The following KLHL1 variants were observed in gnomAD, a reference collection of about 807,000 sequenced individuals.
KLHL1 encodes kelch-like protein 1.
A neutral mutation model predicts 77.7 loss-of-function variants in KLHL1; 47 were observed. The ratio of observed to expected loss-of-function variants is 0.60; its 90% CI spans 0.48 to 0.77. The LOEUF (loss-of-function observed/expected upper bound fraction) is 0.77. Among genes scored for constraint, KLHL1 ranks in the 30% least tolerant of loss-of-function variants. The pLI is 0.00. For missense variants in KLHL1, 925 were observed against 910.8 expected (o/e 1.02, Z -0.20); for synonymous variants, 360 against 325.2 (o/e 1.11, Z -1.15).
intron 4 of KLHL1, among the ~76,000 whole-genome samples, chr13:69,897,314 T>C (rs1468106148): frequency 6.6e-6 from 1 of 152,156 alleles, no homozygotes; most frequent in Non-Finnish European, 1.5e-5. Context: ...TCATGGTCCC[T>C]TGGCAATGTG....
intron 3 of KLHL1, among the ~76,000 whole-genome samples, chr13:69,953,293 C>T (rs1261134572): frequency 6.6e-6 from 1 of 151,088 alleles, no homozygotes; most frequent in Non-Finnish European, 1.5e-5. Flanking sequence ...TGATGTACAA[C>T]AATATTAATT....
intron 1 of KLHL1, among the ~76,000 whole-genome samples, chr13:70,005,497 A>G (rs1192224517): frequency 6.6e-6 from 1 of 151,972 alleles, no homozygotes; most frequent in African/African-American, 2.4e-5. Flanking sequence ...CTCATCAGCT[A>G]TAATTAGTGT....
intron 1 of KLHL1, among the ~76,000 whole-genome samples, chr13:70,094,585 G>A (rs1475503700): frequency 5.3e-5 from 8 of 151,970 alleles, no homozygotes; most frequent in Admixed American, 5.2e-4. Context: ...GAAGAGCACA[G>A]AATTAATCTG....
chr13:69,838,553 C>A lies in KLHL1; in HGVS notation c.1414+423G>T, dbSNP rs181877343. ...TATAACTTTCACCATTCTTATACTT[C>A]TTTATAATTGTCTATTTATTTATCT... On this transcript the variant is annotated intron_variant, in intron 6 of 10. Transcript: ENST00000377844. 7.0e-4 allele frequency among the ~76,000 whole-genome samples: 106 copies of A among 151,928 alleles called. 1 individual carries two copies. The highest frequency in any genetic ancestry group is 2.5e-3 in the African/African-American group (102 of 41,558).
rs575989760 is a variant in KLHL1 at position 69,915,975 on chromosome 13, AG to A, written c.1014+24064del. Among the ~76,000 whole-genome samples the A allele has an allele frequency of 5.4e-4, 83 of 152,334 alleles. 1 individual carries two copies. The South Asian group carries it at 0.017, about 31-fold the overall frequency. On this transcript the variant is annotated intron_variant, in intron 4 of 10. Coordinates refer to ENST00000377844, the MANE Select transcript of KLHL1 (RefSeq NM_020866.3). ...TCTCGAAGACATTTATGCAGCCAAC[AG>A]ACACATGAAAAAATGCTCATCATCA...
intron 6 of KLHL1, among the ~76,000 whole-genome samples, chr13:69,818,308 C>T (rs991524720): frequency 6.7e-6 from 1 of 148,394 alleles, no homozygotes; most frequent in African/African-American, 2.5e-5. Context: ...GCAACCTCTG[C>T]TTCCCAGGTT....
chr13:70,047,385 A>G, intron 1 of KLHL1, among the ~76,000 whole-genome samples: 1 of 148,844 alleles, frequency 6.7e-6, no homozygotes. Context: ...AATTAGTGCA[A>G]AATGGAAATC....
chr13:69,971,956 C>T (rs796663330), intron 2 of KLHL1, among the ~76,000 whole-genome samples: 3 of 152,024 alleles, frequency 2.0e-5, no homozygotes, highest in East Asian at 3.9e-4. Context: ...AAATGATATC[C>T]AAGTGATCAA....
intron 6 of KLHL1, among the ~76,000 whole-genome samples, chr13:69,827,885 T>C (rs557238504): frequency 6.6e-6 from 1 of 150,844 alleles, no homozygotes; most frequent in Non-Finnish European, 1.5e-5. Flanking sequence ...TAAAAAAGTT[T>C]CTTAATCTCT....
chr13:69,935,197 A>C (rs375473154), intron 4 of KLHL1, among the ~76,000 whole-genome samples: 7 of 141,998 alleles, frequency 4.9e-5, no homozygotes, highest in African/African-American at 1.4e-4. Flanking sequence ...TGAACGTGGT[A>C]CATAGTTGGT....
At chr13:70,104,248 ATTGTT>A (rs1195533444) in intron 1 of KLHL1, among the ~76,000 whole-genome samples, 1 of 152,190 alleles carries the variant, frequency 6.6e-6, no homozygotes, top group African/African-American at 2.4e-5. Context: ...TAGGAAAAGT[ATTGTT>A]TATGTGGTCA....
chr13:69,710,153 T>A (rs1875811684), intron 9 of KLHL1, among the ~76,000 whole-genome samples: 2 of 151,782 alleles, frequency 1.3e-5, no homozygotes, highest in African/African-American at 4.8e-5. Flanking sequence ...TAAGCAATAA[T>A]AAACTAATTT....
intron 7 of KLHL1, among the ~76,000 whole-genome samples, chr13:69,791,066 TA>T (rs1237106579): frequency 6.6e-6 from 1 of 151,216 alleles, no homozygotes; most frequent in Non-Finnish European, 1.5e-5. Flanking sequence ...CACACACACA[TA>T]AAAAAGAAAA....
intron 1 of KLHL1, among the ~76,000 whole-genome samples, chr13:70,028,498 A>C (rs770111660): frequency 6.6e-6 from 1 of 152,118 alleles, no homozygotes; most frequent in Non-Finnish European, 1.5e-5. Flanking sequence ...GCAATTCAAA[A>C]TGTGACACAT....
intron 5 of KLHL1, among the ~76,000 whole-genome samples, chr13:69,844,354 A>C (rs1266816582): frequency 3.3e-5 from 5 of 151,704 alleles, no homozygotes; most frequent in African/African-American, 9.7e-5. Flanking sequence ...TTTATGAATA[A>C]AATATTGTGT....
intron 5 of KLHL1, among the ~76,000 whole-genome samples, chr13:69,868,066 T>G (rs1880440905): frequency 6.6e-6 from 1 of 152,142 alleles, no homozygotes; most frequent in Non-Finnish European, 1.5e-5. Flanking sequence ...GAAAAAATAT[T>G]AAATATTCTG....
intron 5 of KLHL1, among the ~76,000 whole-genome samples, chr13:69,872,974 G>C (rs190614036): frequency 6.6e-6 from 1 of 152,224 alleles, no homozygotes; most frequent in East Asian, 1.9e-4. Flanking sequence ...ACAGTAGGAG[G>C]CATACACATC....
intron 4 of KLHL1, among the ~76,000 whole-genome samples, chr13:69,892,115 G>A (rs969303835): frequency 2.0e-5 from 3 of 152,022 alleles, no homozygotes; most frequent in African/African-American, 7.2e-5. Context: ...CTGCCTCCTT[G>A]ATAAATTGCT....
intron 4 of KLHL1, among the ~76,000 whole-genome samples, chr13:69,936,800 A>C (rs1883202550): frequency 6.6e-6 from 1 of 152,022 alleles, no homozygotes. Context: ...TTTCAACATG[A>C]ATTTTCTCAA....
Sources: gnomAD v4.1 joint callset for allele counts (sites outside exome capture counted in the v4.1 genomes callset) on GRCh38, gnomAD v4.1.1 for gene constraint, MANE v1.5 for transcripts, NCBI Gene and HGNC (gene_info 2026-07-23, HGNC 2026-07-21) for gene names.